SF3B2: variants seen among roughly 807,000 people sequenced by gnomAD.
SF3B2 encodes SAP 145.
Under a neutral mutation model 116.3 loss-of-function variants are expected in SF3B2, and 22 were observed. The ratio of observed to expected loss-of-function variants is 0.19; its 90% CI spans 0.14 to 0.27. The LOEUF (loss-of-function observed/expected upper bound fraction) is 0.27, where lower values mean the gene tolerates loss of function less well. SF3B2 is among the 10% of genes least tolerant of loss of function. The pLI, the probability that SF3B2 is intolerant of heterozygous loss-of-function variation, is 1.00. For synonymous variants in SF3B2, 406 were observed against 421.6 expected, an observed-to-expected ratio of 0.96 and a Z score of 0.45; for missense variants, 767 against 1,151.4, an observed-to-expected ratio of 0.67 and a Z score of 4.83.
At position 66,055,134 on chromosome 11, in the gene SF3B2, C is replaced by T. The variant is rs940422089; in HGVS notation, c.317C>T (p.Pro106Leu). The T allele has an allele frequency of 3.1e-5, 49 of 1,573,186 alleles. No individual in the cohort carries two copies. The highest frequency in any genetic ancestry group is 3.7e-5 in the Non-Finnish European group (43 of 1,154,704). Residue 106 changes from proline to leucine, a missense_variant, in exon 4 of 22, where the codon CCG (proline) becomes CTG (leucine). By Grantham distance (98) the Pro-to-Leu change is moderately conservative. Coordinates refer to ENST00000322535, the MANE Select transcript of SF3B2 (RefSeq NM_006842.3). Reference protein sequence around the residue: ...PLGLPPLQPPPPPPPPPPGLG... With the variant: ...PLGLPPLQPPLPPPPPPPGLG... ...GGACTCCCCCCTCTGCAGCCTCCTC[C>T]GCCACCCCCACCACCTCCACCAGGC...
intron 19 of SF3B2, chr11:66,065,456 A>G (rs1857166393): frequency 6.6e-6 from 1 of 151,924 alleles, no homozygotes. Context: ...TAGTTTCTGA[A>G]TGTTTCTTTG....
At position 66,055,108 on chromosome 11, in the gene SF3B2, G is replaced by A. The variant is rs1228881236; in HGVS notation, c.291G>A (p.Leu97=). The A allele has an allele frequency of 6.5e-7, 1 of 1,537,624 alleles. No homozygotes were observed. The highest frequency in any genetic ancestry group is 2.0e-5 in the Admixed American group (1 of 50,012). ...LPGIPMPPPP[L]GLPPLQPPPP... Reference sequence around the variant, plus strand: ...GAATTCCCATGCCACCACCACCTTTGGGACTCCCCCCTCTGCAGCCTCCTC... The same window carrying A: ...GAATTCCCATGCCACCACCACCTTTAGGACTCCCCCCTCTGCAGCCTCCTC... The change falls in exon 4 of 22, where the codon TTG becomes TTA. Residue 97 remains leucine (L), a synonymous_variant. Transcript: ENST00000322535.
intron 16 of SF3B2, among the ~76,000 whole-genome samples, chr11:66,062,565 A>G (rs1304141237): frequency 9.3e-5 from 1 of 10,768 alleles, no homozygotes; most frequent in African/African-American, 1.0e-4. Context: ...ATGTCTTCAA[A>G]TTTCTTATTT....
intron 17 of SF3B2, 55 bp downstream of exon 17, chr11:66,063,171 T>G: frequency 1.5e-6 from 2 of 1,350,866 alleles, no homozygotes; most frequent in Non-Finnish European, 2.1e-6. Flanking sequence ...AAGGTTAGAT[T>G]GTTGGTTTAT....
chr11:66,053,449 T>C (rs1281315157), intron 3 of SF3B2: 2 of 296,158 alleles, frequency 6.8e-6, no homozygotes, highest in Non-Finnish European at 1.3e-5. Context: ...GATGCTTAGA[T>C]GGGACGATCG....
intron 14 of SF3B2, among the ~76,000 whole-genome samples, chr11:66,061,263 A>G (rs1269509921): frequency 6.6e-6 from 1 of 152,140 alleles, no homozygotes; most frequent in Admixed American, 6.5e-5. Flanking sequence ...AGAAATGATA[A>G]TAGTTTGTGG....
rs770204877 is a variant in SF3B2 at position 66,053,108 on chromosome 11, G to A, written c.258+4G>A. The A allele has an allele frequency of 5.6e-6, 9 of 1,613,300 alleles. No individual in the cohort carries two copies. The Admixed American group carries it at 1.3e-4, about 24-fold the overall frequency. On this transcript the variant is annotated splice_donor_region_variant and intron_variant, in intron 3 of 21. Transcript: ENST00000322535. ...TCCACCTCCCATGTCGGCACAGGTA[G>A]GGAGATTCTTCTGTTTTTTAAGATT...
chr11:66,054,815 C>T (rs545695935), intron 3 of SF3B2, among the ~76,000 whole-genome samples: 4 of 152,280 alleles, frequency 2.6e-5, no homozygotes, highest in South Asian at 2.1e-4. Flanking sequence ...GCCTCAGAGG[C>T]GTCTTTGAGT....
intron 15 of SF3B2, 38 bp downstream of exon 15, chr11:66,061,813 G>A: frequency 6.2e-7 from 1 of 1,606,550 alleles, no homozygotes; most frequent in Admixed American, 1.7e-5. Context: ...GCAGCGAAGA[G>A]GCTGGTGGGG....
At position 66,058,355 on chromosome 11, in the gene SF3B2, C is replaced by A. The variant is rs1381789642; in HGVS notation, c.916C>A (p.Gln306Lys). 3.7e-6 allele frequency: 6 copies of A among 1,614,046 alleles called. No individual in the cohort carries two copies. Among genetic ancestry groups the A allele is most frequent in the Non-Finnish European group, 4.2e-6 (5 of 1,180,018 alleles). ...METDARSSLG[Q>K]SASETEEDTV... ...AACAGATGCTCGCTCGTCCCTGGGC[C>A]AGTCAGCGTCAGAGACTGAGGAGGA... Residue 306 changes from glutamine to lysine, a missense_variant, in exon 9 of 22, where the codon CAG becomes AAG. Around this residue, in one of 4 missense-constraint regions of SF3B2, gnomAD observed 455 missense variants for 537.5 expected, o/e 0.85. Coordinates refer to ENST00000322535, the MANE Select transcript of SF3B2 (RefSeq NM_006842.3).
In SF3B2 at chr11:66,059,406, G is replaced by C. The variant is rs2135046741; in HGVS notation, c.1320+68G>C. On this transcript the variant is annotated intron_variant, in intron 11 of 21. Coordinates refer to ENST00000322535, the MANE Select transcript of SF3B2 (RefSeq NM_006842.3). This position sits in a 1 kb window ranked among gnomAD's most constrained non-coding sequence, Gnocchi z 5.0. ...CAGGTGGCTGAGATGCATCCAGAGAGGGACCATGGTGAACTCTTACAGAGC... is the reference window on the plus strand; with the variant it reads ...CAGGTGGCTGAGATGCATCCAGAGACGGACCATGGTGAACTCTTACAGAGC... 6.2e-7 allele frequency: 1 copy of C among 1,611,180 alleles called. No homozygotes were observed. The highest frequency in any genetic ancestry group is 1.7e-4 in the Middle Eastern group (1 of 6,018).
At chr11:66,052,561 G>A in intron 1 of SF3B2, 44 bp downstream of exon 1, 1 of 1,598,222 alleles carries the variant, frequency 6.3e-7, no homozygotes, top group Non-Finnish European at 8.5e-7. Flanking sequence ...GGCCTGCGGA[G>A]AAGCGGAGCC....
At chr11:66,063,246 C>A in intron 17 of SF3B2, 130 bp downstream of exon 17, 1 of 1,005,310 alleles carries the variant, frequency 9.9e-7, no homozygotes, top group Non-Finnish European at 1.5e-6. Context: ...ATACATTTTC[C>A]TGAGATGTTA....
chr11:66,059,940 C>T lies in SF3B2; in HGVS notation c.1560C>T (p.Pro520=). Residue 520 remains proline (P), a synonymous_variant, in exon 13 of 22, where the codon CCC becomes CCT. Coordinates refer to ENST00000322535, the MANE Select transcript of SF3B2 (RefSeq NM_006842.3). The surrounding 1 kb of genome is among the most constrained non-coding windows in gnomAD (Gnocchi z 5.0). ...AGGGCAAACGGGGCATTGAGAAGCC[C>T]CCCTTCGAGCTGCCAGACTTCATCA... The part of the protein sequence containing the change: ...YLQGKRGIEK[P]PFELPDFIKR... 6.2e-7 allele frequency: 1 copy of T among 1,614,182 alleles called. No homozygotes were observed. The highest frequency in any genetic ancestry group is 8.5e-7 in the Non-Finnish European group (1 of 1,180,028).
chr11:66,053,237 GA>G (rs139893240), intron 3 of SF3B2, 133 bp downstream of exon 3: 157 of 800,282 alleles, frequency 2.0e-4, no homozygotes, highest in Middle Eastern at 3.8e-4. Context: ...CCTGAGTGGG[GA>G]AAAAAAAAGA....
intron 19 of SF3B2, chr11:66,066,239 A>G (rs532884180): frequency 3.9e-5 from 6 of 152,000 alleles, no homozygotes; most frequent in South Asian, 2.1e-4. Context: ...GTTGACTGCC[A>G]TTAGTTGATT....
intron 6 of SF3B2, 30 bp downstream of exon 6, chr11:66,056,985 A>G (rs1467611647): frequency 3.3e-6 from 5 of 1,509,106 alleles, no homozygotes; most frequent in Admixed American, 3.4e-5. Context: ...GGGAAGGGCA[A>G]GGAAGGTGAT....
At chr11:66,067,581 A>AT (rs1367226269) in intron 19 of SF3B2, 1 of 463,956 alleles carries the variant, frequency 2.2e-6, no homozygotes, top group East Asian at 6.6e-5. Flanking sequence ...CAGGCATGAC[A>AT]TTCTTCGGGT....
intron 19 of SF3B2, chr11:66,067,416 C>T (rs1003478701): frequency 4.4e-6 from 2 of 456,138 alleles, no homozygotes; most frequent in Non-Finnish European, 8.8e-6. Context: ...TCACCTCTTC[C>T]AGCGGGAGAG....
Sources: allele counts gnomAD v4.1 joint callset (sites outside exome capture counted in the v4.1 genomes callset), GRCh38; gene constraint gnomAD v4.1.1; regional missense constraint gnomAD v4.1.1; non-coding constraint Gnocchi (gnomAD v3.1); transcripts MANE v1.5; gene names NCBI Gene and HGNC (gene_info 2026-07-23, HGNC 2026-07-21).